Variants in LRP1B observed in about 807,000 individuals in gnomAD.
The protein encoded by LRP1B is low-density lipoprotein receptor-related protein 1B.
A neutral mutation model predicts 556.6 loss-of-function variants in LRP1B; 217 were observed. The ratio of observed to expected loss-of-function variants is 0.39; its 90% CI spans 0.35 to 0.44. The LOEUF (loss-of-function observed/expected upper bound fraction) is 0.44, where lower values mean the gene tolerates loss of function less well. Ranked by LOEUF, LRP1B falls within the 20% of genes least tolerant of loss-of-function variation. LRP1B has a pLI of 1.00. For missense variants in LRP1B, 5,053 were observed against 5,620.8 expected (o/e 0.90, Z 3.23); for synonymous variants, 2,047 against 1,865.8 (o/e 1.10, Z -2.50).
intron 66 of LRP1B, among the ~76,000 whole-genome samples, chr2:140,405,254 C>T (rs114787869): frequency 0.012 from 1,814 of 152,176 alleles, 24 homozygotes; most frequent in South Asian, 0.019. Context: ...ATGTGTACAT[C>T]GGAAAGTCTG....
At chr2:141,911,284 T>C (rs975853658) in intron 1 of LRP1B, among the ~76,000 whole-genome samples, 8 of 152,214 alleles carry the variant, frequency 5.3e-5, no homozygotes, top group African/African-American at 1.7e-4. Context: ...TCTATAATAC[T>C]GTCAAAACAG....
At chr2:142,076,848 T>C (rs1369480129) in intron 1 of LRP1B, among the ~76,000 whole-genome samples, 2 of 152,110 alleles carry the variant, frequency 1.3e-5, no homozygotes, top group African/African-American at 2.4e-5. Context: ...TGAAATGCAA[T>C]ATTTATGATT....
At chr2:141,398,297 A>G (rs537245081) in intron 3 of LRP1B, among the ~76,000 whole-genome samples, 1 of 152,338 alleles carries the variant, frequency 6.6e-6, no homozygotes, top group African/African-American at 2.4e-5. Flanking sequence ...TATTTTCAAA[A>G]ACTGGTTCAT....
intron 25 of LRP1B, among the ~76,000 whole-genome samples, chr2:140,870,086 C>G (rs72988173): frequency 0.019 from 2,961 of 152,142 alleles, 95 homozygotes; most frequent in African/African-American, 0.066. Flanking sequence ...ATGCAACTGT[C>G]TGAAAACCCC....
intron 3 of LRP1B, among the ~76,000 whole-genome samples, chr2:141,268,894 C>T (rs1419423261): frequency 2.0e-5 from 3 of 152,094 alleles, no homozygotes; most frequent in African/African-American, 7.2e-5. Flanking sequence ...GTACTGGGGT[C>T]CAGTTACTCT....
At chr2:140,725,532 T>C (rs533897343) in intron 35 of LRP1B, among the ~76,000 whole-genome samples, 118 of 111,642 alleles carry the variant, frequency 1.1e-3, no homozygotes, top group Non-Finnish European at 1.5e-3. Context: ...CCGGGGCCTG[T>C]CATGGGGTGG....
chr2:141,843,432 G>T (rs1025658448), intron 1 of LRP1B, among the ~76,000 whole-genome samples: 2 of 152,074 alleles, frequency 1.3e-5, no homozygotes, highest in Non-Finnish European at 2.9e-5. Context: ...ACAAGATAAT[G>T]CCAAGGCTAA....
chr2:141,601,599 T>TTTCCTTCCTTCCTTCC (rs59436887), intron 2 of LRP1B, among the ~76,000 whole-genome samples: 3,955 of 140,640 alleles, frequency 0.028, 169 homozygotes, highest in African/African-American at 0.081. Flanking sequence ...GTAGCACTCC[T>TTTCCTTCCTTCCTTCC]TTCCTTCCTT....
At chr2:140,290,269 T>C (rs1305324708) in intron 84 of LRP1B, among the ~76,000 whole-genome samples, 4 of 152,020 alleles carry the variant, frequency 2.6e-5, no homozygotes, top group African/African-American at 9.7e-5. Context: ...GAGGGCGTAA[T>C]GTGTCACGTA....
intron 2 of LRP1B, among the ~76,000 whole-genome samples, chr2:141,697,058 T>C (rs1691757339): frequency 6.6e-6 from 1 of 151,952 alleles, no homozygotes; most frequent in Non-Finnish European, 1.5e-5. Flanking sequence ...ATCACGTTCT[T>C]TTTTTATTTT....
At position 141,364,411 on chromosome 2, in the gene LRP1B, AAC is replaced by A. The variant is rs139037221; in HGVS notation, c.344-109772_344-109771del. Among the ~76,000 whole-genome samples, 1,158 of 149,554 alleles carry A rather than the reference AAC, an allele frequency of 7.7e-3. 8 individuals are homozygous for A. The highest frequency in any genetic ancestry group is 0.017 in the African/African-American group (682 of 40,412). The stretch of plus-strand genomic sequence containing the variant: ...ACACACAGTGGAATTATTAAATCAT[AAC>A]ACACACACACACACATATATATATT... On this transcript the variant is annotated intron_variant, in intron 3 of 90. Coordinates refer to ENST00000389484, the MANE Select transcript of LRP1B (RefSeq NM_018557.3).
At chr2:141,482,072 T>C (rs539771054) in intron 2 of LRP1B, among the ~76,000 whole-genome samples, 1 of 152,244 alleles carries the variant, frequency 6.6e-6, no homozygotes, top group African/African-American at 2.4e-5. Flanking sequence ...CAATCTAACA[T>C]ATTTTAGGAT....
At chr2:141,411,860 A>T (rs1175788803) in intron 3 of LRP1B, among the ~76,000 whole-genome samples, 1 of 152,162 alleles carries the variant, frequency 6.6e-6, no homozygotes, top group East Asian at 1.9e-4. Context: ...TGATTTGTTA[A>T]AAGTATAAAC....
chr2:141,179,025 C>T (rs1215024870), intron 7 of LRP1B, among the ~76,000 whole-genome samples: 2 of 151,994 alleles, frequency 1.3e-5, no homozygotes, highest in Non-Finnish European at 2.9e-5. Context: ...TATTGATATT[C>T]AGGCAAAGCT....
At chr2:141,463,529 AAATTATATATTATATAT>A in intron 3 of LRP1B, among the ~76,000 whole-genome samples, 1 of 129,952 alleles carries the variant, frequency 7.7e-6, no homozygotes, top group Admixed American at 8.8e-5. Flanking sequence ...ATATTATATA[AAATTATATATTATATAT>A]AATTATATAT....
In LRP1B at chr2:141,229,194, T is replaced by C; in HGVS notation, c.839A>G (p.Gln280Arg). The change falls in exon 6 of 91, where the codon CAA becomes CGA. Residue 280 changes from glutamine (Q) to arginine (R), a missense_variant. By Grantham distance (43) the Gln-to-Arg change is conservative. Around this residue, in one of 5 missense-constraint regions of LRP1B, gnomAD observed 3,619 missense variants for 3,931.9 expected, o/e 0.92. Transcript: ENST00000389484. Reference protein sequence around the residue: ...LTDEWTINILQSFHNVQQMAI... With the variant: ...LTDEWTINILRSFHNVQQMAI... Reference sequence around the variant, plus strand: ...ATTGAAACACTTACTGTGGAAGGATTGAAGAATATTGATTGTCCATTCATC... The same window carrying C: ...ATTGAAACACTTACTGTGGAAGGATCGAAGAATATTGATTGTCCATTCATC... The C allele has an allele frequency of 6.2e-7, 1 of 1,613,102 alleles. No homozygotes were observed. Among genetic ancestry groups the C allele is most frequent in the Non-Finnish European group, 8.5e-7 (1 of 1,179,438 alleles).
chr2:141,139,914 T>C (rs1479170796), intron 7 of LRP1B, among the ~76,000 whole-genome samples: 1 of 151,894 alleles, frequency 6.6e-6, no homozygotes, highest in African/African-American at 2.4e-5. Flanking sequence ...ATAGCATCTT[T>C]ATTATAATAG....
chr2:140,364,570 T>C, intron 72 of LRP1B, 91 bp downstream of exon 72: 1 of 1,454,832 alleles, frequency 6.9e-7, no homozygotes, highest in Non-Finnish European at 9.4e-7. Flanking sequence ...GATGGTATAA[T>C]TGGTAGTTCA....
intron 21 of LRP1B, among the ~76,000 whole-genome samples, chr2:140,918,104 C>G (rs1694631318): frequency 6.6e-6 from 1 of 151,616 alleles, no homozygotes; most frequent in African/African-American, 2.4e-5. Flanking sequence ...TGTATGATTT[C>G]TTAGTTAATC....
Sources: gnomAD v4.1 joint callset for allele counts (sites outside exome capture counted in the v4.1 genomes callset) on GRCh38, gnomAD v4.1.1 for gene constraint, gnomAD v4.1.1 regional missense constraint, MANE v1.5 for transcripts, NCBI Gene and HGNC (gene_info 2026-07-23, HGNC 2026-07-21) for gene names.